SREK1IP1: variants seen among roughly 807,000 people sequenced by gnomAD.
SREK1IP1 encodes SREK1 interacting protein 1.
A neutral mutation model predicts 22.8 loss-of-function variants in SREK1IP1; 12 were observed. The observed-to-expected ratio is 0.53, with a 90% confidence interval of 0.34 to 0.85. The LOEUF (loss-of-function observed/expected upper bound fraction) is 0.85, where lower values mean the gene tolerates loss of function less well. Ranked by LOEUF, SREK1IP1 falls within the 40% of genes least tolerant of loss-of-function variation. The pLI, the probability that SREK1IP1 is intolerant of heterozygous loss-of-function variation, is 0.02. For missense variants in SREK1IP1, 147 were observed against 171.8 expected, an observed-to-expected ratio of 0.86 and a Z score of 0.81; for synonymous variants, 53 against 52.7, an observed-to-expected ratio of 1.01 and a Z score of -0.02.
At chr5:64,753,382 C>T (rs535208622) in intron 2 of SREK1IP1, among the ~76,000 whole-genome samples, 53 of 152,298 alleles carry the variant, frequency 3.5e-4, no homozygotes, top group African/African-American at 1.3e-3. Flanking sequence ...GATTTCATTG[C>T]ACTCATTTCT....
intron 1 of SREK1IP1, 101 bp downstream of exon 1, chr5:64,768,403 TA>T (rs1743102046): frequency 6.7e-7 from 1 of 1,503,176 alleles, no homozygotes. Context: ...GGCCTCCGCC[TA>T]AATCCCCATG....
At chr5:64,732,346 A>C (rs1037525059) in intron 3 of SREK1IP1, among the ~76,000 whole-genome samples, 6 of 152,190 alleles carry the variant, frequency 3.9e-5, no homozygotes, top group Admixed American at 3.3e-4. Flanking sequence ...ATTTACACAG[A>C]TATTCCCAAG....
chr5:64,731,570 A>G (rs1171332872), intron 3 of SREK1IP1, among the ~76,000 whole-genome samples: 5 of 151,628 alleles, frequency 3.3e-5, no homozygotes, highest in Non-Finnish European at 7.4e-5. Context: ...ATTGTGAGGA[A>G]TGGCCTGAAC....
At chr5:64,751,715 T>A (rs1440115798) in intron 2 of SREK1IP1, among the ~76,000 whole-genome samples, 1 of 152,236 alleles carries the variant, frequency 6.6e-6, no homozygotes, top group African/African-American at 2.4e-5. Flanking sequence ...CAGTACCACC[T>A]GTGGTTGAGA....
In SREK1IP1 at chr5:64,749,059, C is replaced by CATAATAATAA. The variant is rs374272077; in HGVS notation, c.61+5246_61+5255dup. Among the ~76,000 whole-genome samples, 250 of 131,636 alleles carry CATAATAATAA rather than the reference C, an allele frequency of 1.9e-3. 2 individuals are homozygous for CATAATAATAA. The highest frequency in any genetic ancestry group is 3.0e-3 in the South Asian group (12 of 4,052). The allele number at this position is 131,636 out of a possible 152,430, so 86.4% of individuals were successfully genotyped here. On this transcript the variant is annotated intron_variant, in intron 2 of 4. Transcript: ENST00000513458. The stretch of plus-strand genomic sequence containing the variant: ...CCTCCTTCCAGGAGTAGCTATGCCA[C>CATAATAATAA]ATAATAATAATAATAATAATAATAA...
chr5:64,757,805 A>T (rs74752067), intron 1 of SREK1IP1, among the ~76,000 whole-genome samples: 1 of 141,242 alleles, frequency 7.1e-6, no homozygotes, highest in Middle Eastern at 3.9e-3. Flanking sequence ...GTATTTATGC[A>T]TTTTTTTAAC....
At chr5:64,748,531 C>T (rs910883107) in intron 2 of SREK1IP1, among the ~76,000 whole-genome samples, 1 of 152,248 alleles carries the variant, frequency 6.6e-6, no homozygotes, top group East Asian at 1.9e-4. Context: ...TGAAAAGGAG[C>T]ATGGCATAGT....
At position 64,724,554 on chromosome 5, in the gene SREK1IP1, T is replaced by C. The variant is rs1429281767; in HGVS notation, c.298A>G (p.Thr100Ala). ...KRKRSYSSSS[T>A]EEDTSKQKKQ... ...TTTTGTTTTGAAGTGTCCTCTTCAG[T>C]GGAACTGGATGAGTAAGACCTATGG... is the stretch of plus-strand genomic sequence containing the variant. Residue 100 changes from threonine (T) to alanine (A), a missense_variant, in exon 5 of 5, where the codon ACT becomes GCT. Physicochemically the swap from Thr to Ala is moderately conservative, Grantham distance 58. This residue lies in a region of SREK1IP1 where 82 missense variants were observed against 81.7 expected (regional missense o/e 1.00). Coordinates refer to ENST00000513458, the MANE Select transcript of SREK1IP1 (RefSeq NM_173829.4). 6.4e-7 allele frequency: 1 copy of C among 1,571,270 alleles called. No individual in the cohort carries two copies. Among genetic ancestry groups the C allele is most frequent in the South Asian group, 1.2e-5 (1 of 81,800 alleles).
At chr5:64,745,087 T>C (rs992250482) in intron 2 of SREK1IP1, among the ~76,000 whole-genome samples, 1 of 152,196 alleles carries the variant, frequency 6.6e-6, no homozygotes, top group Non-Finnish European at 1.5e-5. Context: ...GGCCTGTGGA[T>C]CCACTGTTTT....
intron 1 of SREK1IP1, among the ~76,000 whole-genome samples, chr5:64,761,559 G>C (rs1742952714): frequency 6.6e-6 from 1 of 152,188 alleles, no homozygotes; most frequent in Admixed American, 6.5e-5. Flanking sequence ...ACAAGCAGTT[G>C]TAACACAATG....
chr5:64,763,523 C>T (rs948665337), intron 1 of SREK1IP1, among the ~76,000 whole-genome samples: 7 of 151,188 alleles, frequency 4.6e-5, no homozygotes, highest in Non-Finnish European at 8.8e-5. Flanking sequence ...GGCGACAGAG[C>T]GAGACTCCGT....
rs1236910785 is a variant in SREK1IP1 at position 64,719,025 on chromosome 5, T to A, written c.*5359A>T. The A allele has an allele frequency of 6.6e-6, 1 of 152,174 alleles. No individual in the cohort carries two copies. Among genetic ancestry groups the A allele is most frequent in the Non-Finnish European group, 1.5e-5 (1 of 68,012 alleles). 9.4% of individuals were successfully genotyped at this position (152,174 alleles called of 1,614,324 possible). A position where few individuals can be genotyped will look rare whatever the true frequency, so the allele number is the denominator to read the frequency against. On this transcript the variant is annotated 3_prime_UTR_variant, in exon 5 of 5. Transcript: ENST00000513458. The stretch of plus-strand genomic sequence containing the variant: ...CATGCAAAGCTCAGGGTTACAAACT[T>A]TTCGTCATTAGCCTGTCAAAATTTC...
chr5:64,756,469 T>C lies in SREK1IP1; in HGVS notation c.14-2107A>G, dbSNP rs550680299. Among the ~76,000 whole-genome samples, 3 of 152,322 alleles carry C rather than the reference T, an allele frequency of 2.0e-5. No homozygotes were observed. In the South Asian group the frequency reaches 6.2e-4, roughly 32 times the overall value. ...CTTAGCAGAATGTTTTCAAAGTTCA[T>C]CCATATTATAGCATGTATTAGAATT... On this transcript the variant is annotated intron_variant, in intron 1 of 4. Transcript: ENST00000513458.
intron 3 of SREK1IP1, among the ~76,000 whole-genome samples, chr5:64,733,718 T>C (rs867210614): frequency 2.3e-4 from 35 of 152,112 alleles, no homozygotes; most frequent in African/African-American, 6.5e-4. Flanking sequence ...GTTTTATTAA[T>C]AATAACCCCA....
In SREK1IP1 at chr5:64,724,261, A is replaced by T; in HGVS notation, c.*123T>A. 3 of 860,966 alleles carry T rather than the reference A, an allele frequency of 3.5e-6. No homozygotes were observed. The South Asian group carries it at 7.3e-5, about 21-fold the overall frequency. 53.3% of individuals were successfully genotyped at this position (860,966 alleles called of 1,614,324 possible). A position where few individuals can be genotyped will look rare whatever the true frequency, so the allele number is the denominator to read the frequency against. ...AGAGGGATAATGGTCCCAAATACGA[A>T]AAATGTCTATATGGAAAAGGCTGTG... is the stretch of plus-strand genomic sequence containing the variant. On this transcript the variant is annotated 3_prime_UTR_variant, in exon 5 of 5. Transcript: ENST00000513458.
chr5:64,754,467 C>T, intron 1 of SREK1IP1, 105 bp from the exon 2 acceptor site: 1 of 1,162,906 alleles, frequency 8.6e-7, no homozygotes, highest in African/African-American at 1.7e-5. Context: ...TATAGAATTT[C>T]TTTTTTTTTG....
At chr5:64,746,644 A>G (rs374618029) in intron 2 of SREK1IP1, among the ~76,000 whole-genome samples, 9 of 152,236 alleles carry the variant, frequency 5.9e-5, no homozygotes, top group Admixed American at 5.2e-4. Context: ...GTACCACTTC[A>G]TACCTATGAG....
rs780950694 is a variant in SREK1IP1 at position 64,724,473 on chromosome 5, T to C, written c.379A>G (p.Lys127Glu). 1.9e-6 allele frequency: 3 copies of C among 1,593,962 alleles called. 1 individual carries two copies. The highest frequency in any genetic ancestry group is 2.3e-5 in the South Asian group (2 of 85,712). The change falls in exon 5 of 5, where the codon AAA (lysine) becomes GAA (glutamate). Residue 127 changes from lysine to glutamate, a missense_variant. This residue lies in a region of SREK1IP1 where 82 missense variants were observed against 81.7 expected (regional missense o/e 1.00). Transcript: ENST00000513458. Reference protein sequence around the residue: ...KKKEKKSKSKKGKHHKKEKKK... With the variant: ...KKKEKKSKSKEGKHHKKEKKK... ...TTTTCCTTTTTGTGATGTTTCCCTTTTTTTGATTTACTCTTTTTTTCTTTT... is the reference window on the plus strand; with the variant it reads ...TTTTCCTTTTTGTGATGTTTCCCTTCTTTTGATTTACTCTTTTTTTCTTTT...
intron 3 of SREK1IP1, among the ~76,000 whole-genome samples, chr5:64,736,530 C>T (rs1043884937): frequency 6.6e-6 from 1 of 150,764 alleles, no homozygotes; most frequent in Admixed American, 6.6e-5. Context: ...GGCATGATCT[C>T]GGCTCACTGC....
Sources: gnomAD v4.1 joint callset for allele counts (sites outside exome capture counted in the v4.1 genomes callset) on GRCh38, gnomAD v4.1.1 for gene constraint, gnomAD v4.1.1 regional missense constraint, MANE v1.5 for transcripts, NCBI Gene and HGNC (gene_info 2026-07-23, HGNC 2026-07-21) for gene names.